ROBO1: variants seen among roughly 807,000 people sequenced by gnomAD.
The protein encoded by ROBO1 is roundabout homolog 1.
ROBO1 carries 149 observed loss-of-function variants against 195.9 expected under a neutral mutation model. The observed-to-expected ratio is 0.76, with a 90% CI of 0.67 to 0.87. The LOEUF (loss-of-function observed/expected upper bound fraction) is 0.87. Among genes scored for constraint, ROBO1 ranks in the 40% least tolerant of loss-of-function variants. The pLI is 0.00. For synonymous variants in ROBO1, 816 were observed against 733.2 expected (o/e 1.11, Z -1.82); for missense variants, 1,933 against 2,068.3 (o/e 0.93, Z 1.27).
At chr3:79,147,455 C>T (rs567933417) in intron 2 of ROBO1, among the ~76,000 whole-genome samples, 38 of 152,006 alleles carry the variant, frequency 2.5e-4, no homozygotes, top group African/African-American at 6.7e-4. Context: ...AATATTTAGG[C>T]GATGTTCCCG....
chr3:79,507,395 A>G (rs1223571726), intron 2 of ROBO1, among the ~76,000 whole-genome samples: 1 of 152,176 alleles, frequency 6.6e-6, no homozygotes, highest in Non-Finnish European at 1.5e-5. Context: ...CTCTATTGAA[A>G]TAGCTGAAGA....
intron 1 of ROBO1, among the ~76,000 whole-genome samples, chr3:79,674,591 T>C (rs1293254706): frequency 6.6e-6 from 1 of 151,952 alleles, no homozygotes; most frequent in Non-Finnish European, 1.5e-5. Context: ...AGAGGATCAA[T>C]CAGAATATAT....
chr3:79,371,762 A>C (rs2036202305), intron 2 of ROBO1, among the ~76,000 whole-genome samples: 1 of 152,158 alleles, frequency 6.6e-6, no homozygotes, highest in Non-Finnish European at 1.5e-5. Flanking sequence ...AAGGAGGCAG[A>C]ATTTGGAGAT....
intron 4 of ROBO1, among the ~76,000 whole-genome samples, chr3:78,823,383 A>C (rs974284584): frequency 1.3e-5 from 2 of 152,206 alleles, no homozygotes; most frequent in Non-Finnish European, 2.9e-5. Flanking sequence ...TCGAAACTTA[A>C]TTTACTATCC....
At position 79,678,867 on chromosome 3, in the gene ROBO1, A is replaced by G. The variant is rs568043588; in HGVS notation, c.-51+88885T>C. 3.3e-5 allele frequency among the ~76,000 whole-genome samples: 5 copies of G among 152,212 alleles called. No individual in the cohort carries two copies. The East Asian group carries it at 9.7e-4, about 30-fold the overall frequency. ...CAGGCAACCAACTGCTTTGATGATC[A>G]TATTTGATACTATTTAACACACCTC... On this transcript the variant is annotated intron_variant, in intron 1 of 30. Coordinates refer to ENST00000464233, the MANE Select transcript of ROBO1 (RefSeq NM_002941.4).
At chr3:79,079,230 G>A (rs573103696) in intron 3 of ROBO1, among the ~76,000 whole-genome samples, 92 of 151,736 alleles carry the variant, frequency 6.1e-4, no homozygotes, top group African/African-American at 2.0e-3. Flanking sequence ...AAAAAATCAC[G>A]TTTTCTTTAA....
intron 2 of ROBO1, among the ~76,000 whole-genome samples, chr3:79,333,053 A>G (rs2034513888): frequency 6.6e-6 from 1 of 151,882 alleles, no homozygotes; most frequent in African/African-American, 2.4e-5. Flanking sequence ...AATACAAAAA[A>G]TTAGCCAGGG....
intron 1 of ROBO1, among the ~76,000 whole-genome samples, chr3:79,733,938 T>C (rs900401051): frequency 3.3e-5 from 5 of 150,166 alleles, no homozygotes; most frequent in African/African-American, 1.2e-4. Context: ...ATCACCATCA[T>C]ACAATCCTCC....
intron 4 of ROBO1, among the ~76,000 whole-genome samples, chr3:78,843,312 T>C (rs545577506): frequency 6.1e-4 from 93 of 152,234 alleles, no homozygotes; most frequent in African/African-American, 2.2e-3. Flanking sequence ...CATTCACTGA[T>C]TGGGGACTGA....
At chr3:79,484,755 C>CTTTTTTTTTTCTTTTTTTTTTTTTTT (rs1939063670) in intron 2 of ROBO1, among the ~76,000 whole-genome samples, 1 of 66,884 alleles carries the variant, frequency 1.5e-5, no homozygotes, top group African/African-American at 5.6e-5. Context: ...ATTGCACTAT[C>CTTTTTTTTTTCTTTTTTTTTTTTTTT]TTTTTTTTTT....
intron 2 of ROBO1, among the ~76,000 whole-genome samples, chr3:79,261,437 T>G (rs1487473336): frequency 6.6e-6 from 1 of 152,044 alleles, no homozygotes; most frequent in Non-Finnish European, 1.5e-5. Context: ...AAATGAAAAA[T>G]GTTTTTCATT....
chr3:78,955,986 T>G (rs1052342082), intron 3 of ROBO1, among the ~76,000 whole-genome samples: 1 of 152,130 alleles, frequency 6.6e-6, no homozygotes, highest in African/African-American at 2.4e-5. Flanking sequence ...CATTATATCT[T>G]GGCTTTAGCT....
intron 8 of ROBO1, among the ~76,000 whole-genome samples, chr3:78,712,294 C>A (rs1486470850): frequency 6.6e-6 from 1 of 152,096 alleles, no homozygotes; most frequent in South Asian, 2.1e-4. Flanking sequence ...GAGCTATACA[C>A]AAAACACGGA....
chr3:78,617,983 C>T lies in ROBO1; in HGVS notation c.3934G>A (p.Gly1312Ser). 1.9e-6 allele frequency: 3 copies of T among 1,613,904 alleles called. No homozygotes were observed. The highest frequency in any genetic ancestry group is 2.5e-6 in the Non-Finnish European group (3 of 1,179,868). ...PRPISPPHTY[G>S]YISGPLVSDM... is the part of the protein sequence containing the mutation. The stretch of plus-strand genomic sequence containing the variant: ...GAGACCAGGGGTCCTGAAATGTAGC[C>T]ATAGGTATGTGGAGGGGAGATCGGC... The change falls in exon 27 of 31, where the codon GGC (glycine) becomes AGC (serine). Residue 1312 changes from glycine (G) to serine (S), a missense_variant. By Grantham distance (56) the Gly-to-Ser change is moderately conservative (BLOSUM62 0). Transcript: ENST00000464233.
intron 2 of ROBO1, among the ~76,000 whole-genome samples, chr3:79,523,139 C>T (rs575151012): frequency 2.1e-4 from 32 of 149,658 alleles, no homozygotes; most frequent in Non-Finnish European, 4.4e-4. Context: ...ATCAGTTCCA[C>T]CATTGTAAGA....
chr3:78,714,082 G>A (rs2081836071), intron 8 of ROBO1, among the ~76,000 whole-genome samples: 1 of 152,074 alleles, frequency 6.6e-6, no homozygotes, highest in Non-Finnish European at 1.5e-5. Flanking sequence ...AAGATTAGAA[G>A]GGCTCTATGT....
intron 2 of ROBO1, among the ~76,000 whole-genome samples, chr3:79,221,838 A>G (rs2082144543): frequency 6.6e-6 from 1 of 152,140 alleles, no homozygotes; most frequent in African/African-American, 2.4e-5. Context: ...AAATTAATAT[A>G]TATTTGCTGC....
chr3:79,582,292 T>G (rs1353013292), intron 2 of ROBO1, among the ~76,000 whole-genome samples: 2 of 151,828 alleles, frequency 1.3e-5, no homozygotes, highest in East Asian at 1.9e-4. Context: ...TTCTTATATA[T>G]TCATTCATCA....
intron 2 of ROBO1, among the ~76,000 whole-genome samples, chr3:79,249,743 T>G (rs2108905162): frequency 6.6e-6 from 1 of 152,324 alleles, no homozygotes; most frequent in East Asian, 1.9e-4. Flanking sequence ...AGCCTAAATA[T>G]AGCTGTGTTT....
Sources: gnomAD v4.1 joint callset for allele counts (sites outside exome capture counted in the v4.1 genomes callset) on GRCh38, gnomAD v4.1.1 for gene constraint, MANE v1.5 for transcripts, NCBI Gene and HGNC (gene_info 2026-07-23, HGNC 2026-07-21) for gene names.